Variants in BCCIP observed in about 807,000 individuals in gnomAD.
BCCIP encodes BRCA2 and CDKN1A interacting protein, also known as BRCA2 and CDKN1A-interacting protein.
BCCIP carries 23 observed loss-of-function variants against 32.8 expected under a neutral mutation model. The ratio of observed to expected loss-of-function variants is 0.70; its 90% CI spans 0.51 to 0.99. BCCIP has a LOEUF of 0.99. BCCIP is among the 50% of genes least tolerant of loss of function. BCCIP has a pLI of 0.00. For synonymous variants in BCCIP, 144 were observed against 137.6 expected (o/e 1.05, Z -0.33); for missense variants, 378 against 379.8 (o/e 1.00, Z 0.04).
Position 125,831,546 on chromosome 10 carries a change from C to T in BCCIP, c.538C>T (p.Leu180=). The part of the protein sequence containing the change: ...NDTTKPVGLL[L]SERFINVPPQ... ...CACCACCAAGCCTGTGGGCCTTCTC[C>T]TAAGTGAAAGATTCATTAATGTCCC... is the stretch of plus-strand genomic sequence containing the variant. The change falls in exon 5 of 7, where the codon CTA becomes TTA. Residue 180 remains leucine, a synonymous_variant. Transcript: ENST00000278100. The T allele has an allele frequency of 6.2e-7, 1 of 1,614,194 alleles. No homozygotes were observed.
At chr10:125,842,265 G>A (rs55859902) in exon 7 of BCCIP, 9 of 278,728 alleles carry the variant, frequency 3.2e-5, no homozygotes, top group East Asian at 1.0e-4. Context: ...GCCGGAACTC[G>A]CGGTCACAGT....
chr10:125,841,947 A>G, exon 7 of BCCIP: 2 of 1,574,318 alleles, frequency 1.3e-6, no homozygotes, highest in Non-Finnish European at 1.7e-6. Context: ...AGGAAAGGAA[A>G]AAAATAATAA....
Position 125,852,691 on chromosome 10 carries a change from G to GT in BCCIP, c.851-433dup, listed in dbSNP as rs758759796. On this transcript the variant is annotated intron_variant, in intron 7 of 7. Transcript: ENST00000368759. ...TTAGCGTCAGATAAGTCATGATTCAGTAGGCTCACTGATCCTGAAGAGAAT... is the reference window on the plus strand; with the variant it reads ...TTAGCGTCAGATAAGTCATGATTCAGTTAGGCTCACTGATCCTGAAGAGAAT... 9 of 1,511,512 alleles carry GT rather than the reference G, an allele frequency of 6.0e-6. No homozygotes were observed. In the East Asian group the frequency reaches 1.8e-4, roughly 30 times the overall value. The allele number at this position is 1,511,512 out of a possible 1,614,324, so 93.6% of individuals were successfully genotyped here.
chr10:125,835,114 C>T (rs933163608), intron 6 of BCCIP, among the ~76,000 whole-genome samples: 13 of 151,226 alleles, frequency 8.6e-5, no homozygotes, highest in Admixed American at 8.6e-4. Flanking sequence ...GCCTGGGCGA[C>T]AGAGCGAGAC....
At chr10:125,837,965 C>T (rs1854749827), downstream of BCCIP, among the ~76,000 whole-genome samples, 1 of 152,168 alleles carries the variant, frequency 6.6e-6, no homozygotes, top group African/African-American at 2.4e-5. Context: ...TTCTGTCCTT[C>T]TTAAAGACAC....
intron 7 of BCCIP, chr10:125,852,247 GTGAATCTCAGCCTAATGCC>G: frequency 6.2e-7 from 1 of 1,600,538 alleles, no homozygotes; most frequent in Non-Finnish European, 8.5e-7. Context: ...GCAGGAGAAG[GTGAATCTCAGCCTAATGCC>G]TGGCTGACAT....
At chr10:125,839,911 C>G (rs559054567), downstream of BCCIP, among the ~76,000 whole-genome samples, 1 of 152,284 alleles carries the variant, frequency 6.6e-6, no homozygotes, top group South Asian at 2.1e-4. Flanking sequence ...TTAGTGTCAC[C>G]CATTCAGCAT....
chr10:125,852,746 G>T, intron 7 of BCCIP: 1 of 1,010,654 alleles, frequency 9.9e-7, no homozygotes, highest in Non-Finnish European at 1.4e-6. Context: ...TCCATGAAAT[G>T]CACTGCCACA....
At chr10:125,836,701 ATC>A, downstream of BCCIP, 1 of 1,614,078 alleles carries the variant, frequency 6.2e-7, no homozygotes, top group Middle Eastern at 1.6e-4. Context: ...TGGAGAGTGC[ATC>A]TCTGTTCAGT....
downstream of BCCIP, chr10:125,841,122 G>A (rs1854866169): frequency 7.4e-7 from 1 of 1,355,242 alleles, no homozygotes; most frequent in African/African-American, 1.5e-5. Context: ...GAATAAATAT[G>A]TTATTCTTGT....
intron 6 of BCCIP, among the ~76,000 whole-genome samples, chr10:125,834,936 T>G (rs941870223): frequency 6.7e-6 from 1 of 149,532 alleles, no homozygotes; most frequent in African/African-American, 2.5e-5. Flanking sequence ...ATCGAGACCA[T>G]CCTGGCTAAC....
chr10:125,853,337 C>A, exon 8 of BCCIP: 2 of 646,854 alleles, frequency 3.1e-6, no homozygotes, highest in Non-Finnish European at 4.8e-6. Flanking sequence ...TTGTTAGTTT[C>A]GTTTGAGATC....
chr10:125,853,083 T>A (rs1482940285), intron 7 of BCCIP: 6 of 1,414,054 alleles, frequency 4.2e-6, no homozygotes, highest in Non-Finnish European at 5.9e-6. Flanking sequence ...TAACAGCTAA[T>A]ACAGAAACTG....
chr10:125,833,003 TC>T (rs1343366823), intron 5 of BCCIP, among the ~76,000 whole-genome samples: 1 of 151,778 alleles, frequency 6.6e-6, no homozygotes, highest in Non-Finnish European at 1.5e-5. Flanking sequence ...AGACCTGTAA[TC>T]CCAGCTACTC....
At chr10:125,851,634 G>A (rs1050205524) in intron 7 of BCCIP, among the ~76,000 whole-genome samples, 1 of 152,186 alleles carries the variant, frequency 6.6e-6, no homozygotes, top group African/African-American at 2.4e-5. Context: ...ATGACTGGAG[G>A]AGACTAGAAT....
At chr10:125,828,479 C>A (rs1854453855) in intron 3 of BCCIP, among the ~76,000 whole-genome samples, 2 of 151,988 alleles carry the variant, frequency 1.3e-5, no homozygotes. Flanking sequence ...GTGGCAGAGC[C>A]AGCAAAGGAG....
chr10:125,845,419 G>A (rs1242381370), downstream of BCCIP, among the ~76,000 whole-genome samples: 4 of 152,234 alleles, frequency 2.6e-5, no homozygotes, highest in Non-Finnish European at 5.9e-5. Flanking sequence ...ATATTTATAT[G>A]TACTTTCCTA....
rs535570709 is a variant in BCCIP, at chr10:125,824,066, G to C, written c.165+344G>C. 5.9e-5 allele frequency among the ~76,000 whole-genome samples: 9 copies of C among 152,302 alleles called. No individual in the cohort carries two copies. The East Asian group carries it at 1.4e-3, about 23-fold the overall frequency. ...TCGCAGAGGGGGCCCTCTCCCCTCG[G>C]GGCAGCAGCTGTCCTCCTCTTCACT... On this transcript the variant is annotated intron_variant, in intron 1 of 6. Coordinates refer to ENST00000278100, the MANE Select transcript of BCCIP (RefSeq NM_078468.3).
At chr10:125,829,624 T>C (rs1178720468) in intron 3 of BCCIP, among the ~76,000 whole-genome samples, 5 of 152,224 alleles carry the variant, frequency 3.3e-5, no homozygotes, top group African/African-American at 9.6e-5. Context: ...CTGACAATAT[T>C]AGTAACTTTA....
Sources: allele counts gnomAD v4.1 joint callset (sites outside exome capture counted in the v4.1 genomes callset), GRCh38; gene constraint gnomAD v4.1.1; transcripts MANE v1.5; gene names NCBI Gene and HGNC (gene_info 2026-07-23, HGNC 2026-07-21).